The following PLCB1 variants were observed in gnomAD, a reference collection of about 807,000 sequenced individuals.
PLCB1 encodes 1-phosphatidylinositol 4,5-bisphosphate phosphodiesterase beta-1.
Under a neutral mutation model 161.8 loss-of-function variants are expected in PLCB1, and 46 were observed. That is an observed-to-expected ratio of 0.28 (90% CI 0.22 to 0.36). PLCB1 has a LOEUF of 0.36. PLCB1 is among the 10% of genes least tolerant of loss of function. PLCB1 has a pLI of 1.00. For synonymous variants in PLCB1, 517 were observed against 503.7 expected (o/e 1.03, Z -0.35); for missense variants, 1,016 against 1,472.5 (o/e 0.69, Z 5.07).
intron 2 of PLCB1, among the ~76,000 whole-genome samples, chr20:8,259,538 C>G (rs930331607): frequency 2.0e-5 from 3 of 152,018 alleles, no homozygotes; most frequent in Non-Finnish European, 1.5e-5. Context: ...ATCGCTTGAG[C>G]CCCAAAGGCA....
chr20:8,528,177 A>T (rs1395221438), intron 3 of PLCB1, among the ~76,000 whole-genome samples: 1 of 152,094 alleles, frequency 6.6e-6, no homozygotes, highest in East Asian at 1.9e-4. Context: ...CCTATGACTC[A>T]GCAATTCCAC....
chr20:8,208,534 T>C (rs1375099779), intron 2 of PLCB1, among the ~76,000 whole-genome samples: 2 of 152,082 alleles, frequency 1.3e-5, no homozygotes, highest in African/African-American at 4.8e-5. Flanking sequence ...GGTTTTTTTT[T>C]CAAATTAATT....
intron 31 of PLCB1, among the ~76,000 whole-genome samples, chr20:8,880,172 A>C (rs1159966664): frequency 6.6e-6 from 1 of 152,162 alleles, no homozygotes; most frequent in African/African-American, 2.4e-5. Context: ...GTGTGGGGGA[A>C]GCATTTAACC....
At chr20:8,756,706 A>G (rs931124759) in intron 23 of PLCB1, among the ~76,000 whole-genome samples, 7 of 152,180 alleles carry the variant, frequency 4.6e-5, no homozygotes, top group African/African-American at 1.7e-4. Context: ...ACCCTGAGAA[A>G]CAGTGGAAAA....
At chr20:8,787,000 A>G (rs577392381) in intron 27 of PLCB1, among the ~76,000 whole-genome samples, 3 of 152,248 alleles carry the variant, frequency 2.0e-5, no homozygotes, top group African/African-American at 7.2e-5. Context: ...CACTGTGCCC[A>G]GCCACATGTG....
At chr20:8,774,753 A>T in intron 27 of PLCB1, 34 bp downstream of exon 27, 1 of 1,546,708 alleles carries the variant, frequency 6.5e-7, no homozygotes, top group Non-Finnish European at 8.8e-7. Context: ...TGTTTGTGCA[A>T]CTGGAACTCC....
chr20:8,623,166 T>G (rs796201817), intron 3 of PLCB1, among the ~76,000 whole-genome samples: 17 of 152,258 alleles, frequency 1.1e-4, no homozygotes, highest in African/African-American at 4.1e-4. Context: ...TATTTAGGGA[T>G]GCTCCTTTAA....
intron 3 of PLCB1, among the ~76,000 whole-genome samples, chr20:8,409,626 C>T (rs1283766854): frequency 1.3e-5 from 2 of 151,830 alleles, no homozygotes. Context: ...CCACGCCTGG[C>T]TAATTTTTGT....
chr20:8,445,345 T>G (rs1322337203), intron 3 of PLCB1, among the ~76,000 whole-genome samples: 1 of 152,200 alleles, frequency 6.6e-6, no homozygotes, highest in Non-Finnish European at 1.5e-5. Context: ...TTGTCAAAGA[T>G]CAGATGGTTG....
chr20:8,504,621 C>T (rs1983557477), intron 3 of PLCB1, among the ~76,000 whole-genome samples: 1 of 152,094 alleles, frequency 6.6e-6, no homozygotes. Flanking sequence ...TCTTCCCCTC[C>T]TCTTTCGCTT....
chr20:8,527,021 G>C (rs976816864), intron 3 of PLCB1, among the ~76,000 whole-genome samples: 4 of 152,068 alleles, frequency 2.6e-5, no homozygotes, highest in Non-Finnish European at 4.4e-5. Context: ...TAATTTTAAA[G>C]GTCTGGTCTC....
chr20:8,236,447 C>A (rs1011234150), intron 2 of PLCB1, among the ~76,000 whole-genome samples: 1 of 151,906 alleles, frequency 6.6e-6, no homozygotes, highest in Admixed American at 6.6e-5. Flanking sequence ...GCGGGAGGAT[C>A]GCTTGAGCCC....
intron 8 of PLCB1, 27 bp downstream of exon 8, chr20:8,657,311 C>A (rs771347384): frequency 1.5e-6 from 2 of 1,334,370 alleles, no homozygotes; most frequent in South Asian, 1.2e-5. Flanking sequence ...TAAGCCATAT[C>A]TTTTTCAGCT....
At chr20:8,713,258 G>A (rs996362500) in intron 12 of PLCB1, among the ~76,000 whole-genome samples, 3 of 152,018 alleles carry the variant, frequency 2.0e-5, no homozygotes, top group African/African-American at 7.2e-5. Flanking sequence ...GTGCAATCTC[G>A]GCTTACTGCA....
intron 3 of PLCB1, among the ~76,000 whole-genome samples, chr20:8,509,239 A>C (rs2050089): frequency 0.66 from 100,492 of 151,866 alleles, 33,347 homozygotes; most frequent in Middle Eastern, 0.7. Context: ...GTGACCCCCC[A>C]CAAGTTCCTT....
chr20:8,394,126 A>T (rs373736531), intron 3 of PLCB1, among the ~76,000 whole-genome samples: 1 of 152,122 alleles, frequency 6.6e-6, no homozygotes, highest in East Asian at 1.9e-4. Context: ...ATTTATTCCC[A>T]TAGCACCTGG....
intron 3 of PLCB1, among the ~76,000 whole-genome samples, chr20:8,581,847 T>C (rs929278466): frequency 2.0e-5 from 3 of 152,206 alleles, no homozygotes; most frequent in Non-Finnish European, 4.4e-5. Context: ...CATTCAGTTG[T>C]ATGGAAAATG....
At chr20:8,193,068 T>C (rs1322295470) in intron 2 of PLCB1, among the ~76,000 whole-genome samples, 2 of 152,032 alleles carry the variant, frequency 1.3e-5, no homozygotes, top group African/African-American at 4.8e-5. Flanking sequence ...AAATGGGATA[T>C]AACCAGAGAC....
chr20:8,728,439 T>G (rs1416711989), intron 17 of PLCB1, among the ~76,000 whole-genome samples: 5 of 152,036 alleles, frequency 3.3e-5, no homozygotes, highest in Non-Finnish European at 7.4e-5. Context: ...ACCAAAATAT[T>G]AAGCAAGATC....
Sources: gnomAD v4.1 joint callset for allele counts (sites outside exome capture counted in the v4.1 genomes callset) on GRCh38, gnomAD v4.1.1 for gene constraint, MANE v1.5 for transcripts, NCBI Gene and HGNC (gene_info 2026-07-23, HGNC 2026-07-21) for gene names.